The following MAGI3 variants were observed in gnomAD, a reference collection of about 807,000 sequenced individuals.
The protein encoded by MAGI3 is membrane associated guanylate kinase, WW and PDZ domain containing 3, also known as membrane-associated guanylate kinase, WW and PDZ domain-containing protein 3.
A neutral mutation model predicts 121.8 loss-of-function variants in MAGI3; 43 were observed. The ratio of observed to expected loss-of-function variants is 0.35; its 90% confidence interval spans 0.28 to 0.46. The LOEUF (loss-of-function observed/expected upper bound fraction) is 0.46, where lower values mean the gene tolerates loss of function less well. MAGI3 is among the 20% of genes least tolerant of loss of function. The probability of loss-of-function intolerance (pLI) is 1.00; values close to 1 mark genes in which losing one functional copy is unlikely to be tolerated. For missense variants in MAGI3, 1,547 were observed against 1,797.3 expected, an observed-to-expected ratio of 0.86 and a Z score of 2.52; for synonymous variants, 553 against 639.3, an observed-to-expected ratio of 0.86 and a Z score of 2.04.
intron 16 of MAGI3, among the ~76,000 whole-genome samples, chr1:113,670,475 T>C (rs1647473878): frequency 6.6e-6 from 1 of 152,202 alleles, no homozygotes; most frequent in Non-Finnish European, 1.5e-5. Context: ...TAACATGAGA[T>C]TTTCACTATT....
At chr1:113,674,903 G>T (rs1321456041) in intron 19 of MAGI3, among the ~76,000 whole-genome samples, 1 of 152,208 alleles carries the variant, frequency 6.6e-6, no homozygotes, top group Admixed American at 6.5e-5. Context: ...AGGTGCATAG[G>T]ATTTCAATAG....
intron 1 of MAGI3, among the ~76,000 whole-genome samples, chr1:113,524,628 C>A (rs1658371297): frequency 6.6e-6 from 1 of 152,102 alleles, no homozygotes; most frequent in Non-Finnish European, 1.5e-5. Context: ...TATCCAATGC[C>A]TGTATCCCCA....
intron 7 of MAGI3, among the ~76,000 whole-genome samples, chr1:113,615,638 A>T (rs1287532097): frequency 1.3e-5 from 2 of 152,138 alleles, no homozygotes; most frequent in Admixed American, 1.3e-4. Flanking sequence ...CACTGTGGTT[A>T]GAGGGATTTT....
intron 9 of MAGI3, among the ~76,000 whole-genome samples, chr1:113,627,023 T>C (rs566511778): frequency 6.6e-6 from 1 of 152,170 alleles, no homozygotes; most frequent in South Asian, 2.1e-4. Context: ...ATCATGAGGT[T>C]ATTTATTTGA....
chr1:113,486,641 T>A (rs890637616), intron 1 of MAGI3, among the ~76,000 whole-genome samples: 3 of 149,788 alleles, frequency 2.0e-5, no homozygotes, highest in African/African-American at 7.3e-5. Context: ...AAATAGGGGG[T>A]CTTCAAAGTC....
intron 1 of MAGI3, among the ~76,000 whole-genome samples, chr1:113,395,706 T>C (rs759952832): frequency 2.2e-4 from 34 of 152,008 alleles, no homozygotes; most frequent in Admixed American, 5.9e-4. Context: ...TTAACTTTTC[T>C]TGTATATCAT....
rs180740414 is a variant in MAGI3 at position 113,549,285 on chromosome 1, C to G, written c.317-230C>G. Reference sequence around the variant, plus strand: ...TCACCTTCTCTGACCTGTACCTTCTCCCTCCCTTACCATGTAAAATTATTC... The same window carrying G: ...TCACCTTCTCTGACCTGTACCTTCTGCCTCCCTTACCATGTAAAATTATTC... On this transcript the variant is annotated intron_variant, in intron 1 of 20. Transcript: ENST00000307546. Among the ~76,000 whole-genome samples, 13 of 152,242 alleles carry G rather than the reference C, an allele frequency of 8.5e-5. No individual in the cohort carries two copies. The East Asian group carries it at 2.1e-3, about 25-fold the overall frequency.
At chr1:113,525,139 T>A (rs1321421883) in intron 1 of MAGI3, among the ~76,000 whole-genome samples, 1 of 152,220 alleles carries the variant, frequency 6.6e-6, no homozygotes, top group African/African-American at 2.4e-5. Context: ...CTTTCTTTTG[T>A]TAAATTGTCC....
chr1:113,584,404 A>T (rs1319653682), intron 3 of MAGI3, among the ~76,000 whole-genome samples: 2 of 152,196 alleles, frequency 1.3e-5, no homozygotes, highest in Non-Finnish European at 2.9e-5. Context: ...AAAATTACAG[A>T]TTCTCAAGAG....
At chr1:113,402,409 A>G (rs1420901051) in intron 1 of MAGI3, among the ~76,000 whole-genome samples, 2 of 152,234 alleles carry the variant, frequency 1.3e-5, no homozygotes, top group Non-Finnish European at 2.9e-5. Context: ...GTTAGCTGGT[A>G]TAATAGCTGA....
At chr1:113,477,379 C>T (rs1181070842) in intron 1 of MAGI3, among the ~76,000 whole-genome samples, 2 of 152,044 alleles carry the variant, frequency 1.3e-5, no homozygotes, top group Admixed American at 1.3e-4. Context: ...TGTTTCTTTC[C>T]ATGTTTAGTG....
At chr1:113,438,267 TC>T (rs1653737137) in intron 1 of MAGI3, among the ~76,000 whole-genome samples, 1 of 152,018 alleles carries the variant, frequency 6.6e-6, no homozygotes, top group African/African-American at 2.4e-5. Flanking sequence ...AATACAGTAG[TC>T]CCCCTGTATC....
chr1:113,560,777 C>G (rs1020369413), intron 2 of MAGI3, among the ~76,000 whole-genome samples: 4 of 152,036 alleles, frequency 2.6e-5, no homozygotes, highest in Non-Finnish European at 5.9e-5. Flanking sequence ...CAGAGCTGGA[C>G]TGAAGCAGAC....
In MAGI3 at chr1:113,564,849, G is replaced by T. The variant is rs562716282; in HGVS notation, c.433+15218G>T. Among the ~76,000 whole-genome samples, 388 of 151,592 alleles carry T rather than the reference G, an allele frequency of 2.6e-3. 1 individual carries two copies. The highest frequency in any genetic ancestry group is 9.0e-3 in the African/African-American group (371 of 41,336). On this transcript the variant is annotated intron_variant, in intron 2 of 20. Transcript: ENST00000307546. ...GTTATTTATTTATTTATTTATTTTTGATTTATTTATTTATTTTTGAGACAG... is the reference window on the plus strand; with the variant it reads ...GTTATTTATTTATTTATTTATTTTTTATTTATTTATTTATTTTTGAGACAG...
At chr1:113,644,575 C>G (rs1349897594) in intron 11 of MAGI3, among the ~76,000 whole-genome samples, 1 of 152,198 alleles carries the variant, frequency 6.6e-6, no homozygotes, top group Non-Finnish European at 1.5e-5. Flanking sequence ...TACACCACGT[C>G]CGGCTGACTA....
intron 3 of MAGI3, 143 bp downstream of exon 3, chr1:113,580,804 G>A: frequency 8.4e-6 from 5 of 592,990 alleles, no homozygotes; most frequent in South Asian, 4.3e-5. Flanking sequence ...CTTTTGATGG[G>A]GAGATTTGTA....
chr1:113,617,863 C>T (rs980555264), intron 7 of MAGI3, among the ~76,000 whole-genome samples: 4 of 152,018 alleles, frequency 2.6e-5, no homozygotes, highest in East Asian at 1.9e-4. Context: ...GTGTATCCCC[C>T]GCATATTATG....
At chr1:113,670,381 A>G (rs914856202) in intron 16 of MAGI3, among the ~76,000 whole-genome samples, 1 of 152,234 alleles carries the variant, frequency 6.6e-6, no homozygotes, top group Admixed American at 6.5e-5. Flanking sequence ...AACCCAAGCA[A>G]TAAAATAGTG....
chr1:113,444,767 G>A (rs752606395), intron 1 of MAGI3, among the ~76,000 whole-genome samples: 10 of 152,130 alleles, frequency 6.6e-5, no homozygotes, highest in Non-Finnish European at 1.2e-4. Context: ...AACTCTTCCT[G>A]AAAAAGACCT....
Sources: gnomAD v4.1 joint callset for allele counts (sites outside exome capture counted in the v4.1 genomes callset) on GRCh38, gnomAD v4.1.1 for gene constraint, MANE v1.5 for transcripts, NCBI Gene and HGNC (gene_info 2026-07-23, HGNC 2026-07-21) for gene names.